Variants in EBF3 observed in about 807,000 individuals in gnomAD.
EBF3 encodes transcription factor COE3.
EBF3 carries 18 observed loss-of-function variants against 77.1 expected under a neutral mutation model. That is an observed-to-expected ratio of 0.23 (90% confidence interval 0.16 to 0.35). The LOEUF (loss-of-function observed/expected upper bound fraction) is 0.35, where lower values mean the gene tolerates loss of function less well. Among genes scored for constraint, EBF3 ranks in the 10% least tolerant of loss-of-function variants. The pLI, the probability that EBF3 is intolerant of heterozygous loss-of-function variation, is 1.00. For missense variants in EBF3, 558 were observed against 860.0 expected (o/e 0.65, Z 4.39); for synonymous variants, 350 against 343.5 (o/e 1.02, Z -0.21).
intron 6 of EBF3, among the ~76,000 whole-genome samples, chr10:129,908,317 G>C (rs892765208): frequency 1.3e-5 from 2 of 152,152 alleles, no homozygotes; most frequent in African/African-American, 4.8e-5. Context: ...CCCTAGGCTA[G>C]CTCAGATAAA....
At chr10:129,853,040 G>A (rs1851004823) in intron 10 of EBF3, among the ~76,000 whole-genome samples, 1 of 152,214 alleles carries the variant, frequency 6.6e-6, no homozygotes, top group Non-Finnish European at 1.5e-5. Context: ...CAGGGTGAAA[G>A]AGCTTAATTG....
intron 3 of EBF3, 98 bp downstream of exon 3, chr10:129,962,844 T>A (rs1564930725): frequency 1.4e-6 from 2 of 1,421,302 alleles, no homozygotes; most frequent in South Asian, 2.4e-5. Context: ...CGTGTTTACA[T>A]CCATGTCATT....
chr10:129,933,324 G>T (rs969428855), intron 6 of EBF3, among the ~76,000 whole-genome samples: 3 of 152,206 alleles, frequency 2.0e-5, no homozygotes, highest in African/African-American at 4.8e-5. Context: ...CCTGGCAAGG[G>T]GTAAGGGGAG....
intron 6 of EBF3, among the ~76,000 whole-genome samples, chr10:129,898,454 G>A (rs1854546757): frequency 6.6e-6 from 1 of 152,186 alleles, no homozygotes; most frequent in Admixed American, 6.5e-5. Flanking sequence ...GGATATCGGT[G>A]GGCTATTGTT....
At chr10:129,854,469 T>A (rs1321128241) in intron 10 of EBF3, among the ~76,000 whole-genome samples, 2 of 151,702 alleles carry the variant, frequency 1.3e-5, no homozygotes, top group African/African-American at 2.4e-5. Flanking sequence ...GACAAAAAAA[T>A]TAATTTTTAG....
chr10:129,917,033 G>C (rs528141640), intron 6 of EBF3, among the ~76,000 whole-genome samples: 2 of 152,308 alleles, frequency 1.3e-5, no homozygotes, highest in Admixed American at 6.5e-5. Context: ...GATTTGTAAA[G>C]ACTAAACCCA....
intron 6 of EBF3, among the ~76,000 whole-genome samples, chr10:129,930,080 C>T (rs750068827): frequency 3.3e-5 from 5 of 152,154 alleles, no homozygotes; most frequent in Non-Finnish European, 7.4e-5. Flanking sequence ...TGTCCCTGGA[C>T]ATCAGAACTT....
In EBF3 at chr10:129,862,902, T is replaced by G. The variant is rs563210276; in HGVS notation, c.1039+4239A>C. 4.6e-5 allele frequency among the ~76,000 whole-genome samples: 7 copies of G among 152,334 alleles called. No homozygotes were observed. The East Asian group carries it at 1.3e-3, about 29-fold the overall frequency. ...GCGAAACTGCCCAATTTGTGTATAC[T>G]GCGAGTTTCTCAGGTAGGACATTCT... On this transcript the variant is annotated intron_variant, in intron 10 of 16. Transcript: ENST00000440978.
chr10:129,939,768 C>G (rs1564909209), intron 6 of EBF3, among the ~76,000 whole-genome samples: 1 of 152,240 alleles, frequency 6.6e-6, no homozygotes, highest in Non-Finnish European at 1.5e-5. Flanking sequence ...TGGCAAACTT[C>G]TGTCACACGC....
At chr10:129,946,399 C>A (rs554311823) in intron 6 of EBF3, among the ~76,000 whole-genome samples, 1 of 152,216 alleles carries the variant, frequency 6.6e-6, no homozygotes, top group Non-Finnish European at 1.5e-5. Flanking sequence ...GAAACATGAG[C>A]GGCAGTTACT....
chr10:129,846,836 G>A (rs751404567), intron 11 of EBF3, among the ~76,000 whole-genome samples: 1 of 152,040 alleles, frequency 6.6e-6, no homozygotes, highest in South Asian at 2.1e-4. Context: ...TGGGGCAGTG[G>A]GCTGTGGGCT....
chr10:129,841,045 C>CCCCCA lies in EBF3; in HGVS notation c.1373-14_1373-13insTGGGG, dbSNP rs1554892402. 5.6e-6 allele frequency: 9 copies of CCCCCA among 1,600,364 alleles called. No homozygotes were observed. Among genetic ancestry groups the CCCCCA allele is most frequent in the African/African-American group, 2.7e-5 (2 of 74,674 alleles). On this transcript the variant is annotated splice_polypyrimidine_tract_variant and intron_variant, in intron 13 of 16. Coordinates refer to ENST00000440978, the MANE Select transcript of EBF3 (RefSeq NM_001375380.1). This position sits in a 1 kb window ranked among gnomAD's most constrained non-coding sequence, Gnocchi z 4.6. ...CGACTGTAGCCGACTGTTGAAATCC[C>CCCCCA]CCCCCCGGCCAAAAATAACATTATT...
At chr10:129,893,899 G>A (rs1854189790) in intron 6 of EBF3, among the ~76,000 whole-genome samples, 1 of 152,192 alleles carries the variant, frequency 6.6e-6, no homozygotes, top group Non-Finnish European at 1.5e-5. Context: ...CCCTGGTGGG[G>A]GTGCACGGGG....
chr10:129,843,320 C>G, intron 11 of EBF3, 118 bp from the exon 12 acceptor site: 2 of 1,067,762 alleles, frequency 1.9e-6, no homozygotes, highest in Non-Finnish European at 1.4e-6. Flanking sequence ...GCGACCCGTC[C>G]TGGCCCTGCC....
intron 6 of EBF3, among the ~76,000 whole-genome samples, chr10:129,905,978 C>T (rs1316280565): frequency 6.6e-6 from 1 of 152,144 alleles, no homozygotes; most frequent in East Asian, 1.9e-4. Flanking sequence ...CTGAATGATC[C>T]TTACTAGAAT....
chr10:129,931,635 C>T (rs61526644), intron 6 of EBF3, among the ~76,000 whole-genome samples: 1 of 152,270 alleles, frequency 6.6e-6, no homozygotes, highest in Non-Finnish European at 1.5e-5. Flanking sequence ...GCCCTGATGC[C>T]TGACACAGGC....
chr10:129,933,389 G>A (rs1037935678), intron 6 of EBF3, among the ~76,000 whole-genome samples: 11 of 152,214 alleles, frequency 7.2e-5, no homozygotes, highest in African/African-American at 1.2e-4. Flanking sequence ...GACCAGTGCC[G>A]AATAGAAACA....
intron 10 of EBF3, among the ~76,000 whole-genome samples, chr10:129,855,065 G>A (rs1851158787): frequency 6.6e-6 from 1 of 152,160 alleles, no homozygotes; most frequent in African/African-American, 2.4e-5. Flanking sequence ...GCTCAGACCT[G>A]CCTAGGGTCA....
intron 6 of EBF3, among the ~76,000 whole-genome samples, chr10:129,937,825 C>T (rs1007834244): frequency 2.6e-5 from 4 of 152,222 alleles, no homozygotes; most frequent in Non-Finnish European, 5.9e-5. Flanking sequence ...TTCCCCAAGA[C>T]GTCACTGTGC....
Sources: allele counts gnomAD v4.1 joint callset (sites outside exome capture counted in the v4.1 genomes callset), GRCh38; gene constraint gnomAD v4.1.1; non-coding constraint Gnocchi (gnomAD v3.1); transcripts MANE v1.5; gene names NCBI Gene and HGNC (gene_info 2026-07-23, HGNC 2026-07-21).